The following ADGRB3 variants were observed in gnomAD, a reference collection of about 807,000 sequenced individuals.
ADGRB3 encodes brain-specific angiogenesis inhibitor 3.
ADGRB3 carries 37 observed loss-of-function variants against 193.4 expected under a neutral mutation model. That is an observed-to-expected ratio of 0.19 (90% CI 0.15 to 0.25). The LOEUF (loss-of-function observed/expected upper bound fraction) is 0.25, where lower values mean the gene tolerates loss of function less well. Ranked by LOEUF, ADGRB3 falls within the 10% of genes least tolerant of loss-of-function variation. ADGRB3 has a pLI of 1.00. For synonymous variants in ADGRB3, 690 were observed against 644.2 expected (o/e 1.07, Z -1.08); for missense variants, 1,637 against 1,852.9 (o/e 0.88, Z 2.14).
intron 3 of ADGRB3, among the ~76,000 whole-genome samples, chr6:68,738,455 G>C (rs1048908726): frequency 2.0e-5 from 3 of 152,068 alleles, no homozygotes; most frequent in African/African-American, 7.2e-5. Context: ...ATGAATTAGG[G>C]GGGAAATAAG....
At chr6:69,114,849 C>T (rs1773482296) in intron 17 of ADGRB3, among the ~76,000 whole-genome samples, 1 of 152,156 alleles carries the variant, frequency 6.6e-6, no homozygotes, top group African/African-American at 2.4e-5. Flanking sequence ...AAAAAATGCT[C>T]ATCATCACTG....
intron 10 of ADGRB3, among the ~76,000 whole-genome samples, chr6:68,983,306 G>T (rs1301026621): frequency 2.6e-5 from 4 of 151,658 alleles, no homozygotes; most frequent in African/African-American, 7.3e-5. Flanking sequence ...TATGCCTTTA[G>T]TGTGGCTTGG....
At chr6:68,886,318 T>C (rs914494631) in intron 3 of ADGRB3, among the ~76,000 whole-genome samples, 4 of 152,096 alleles carry the variant, frequency 2.6e-5, no homozygotes, top group Non-Finnish European at 5.9e-5. Flanking sequence ...ATAGTACTCA[T>C]TACTTAGTGA....
intron 17 of ADGRB3, among the ~76,000 whole-genome samples, chr6:69,083,705 C>G (rs1056798814): frequency 6.6e-6 from 1 of 151,650 alleles, no homozygotes; most frequent in Non-Finnish European, 1.5e-5. Context: ...ACTTAGCAAG[C>G]ATCGAAAATG....
chr6:69,057,238 TC>T, intron 15 of ADGRB3, among the ~76,000 whole-genome samples: 1 of 152,290 alleles, frequency 6.6e-6, no homozygotes, highest in East Asian at 1.9e-4. Flanking sequence ...GCGTTAATTT[TC>T]TTGCATTCTG....
intron 3 of ADGRB3, among the ~76,000 whole-genome samples, chr6:68,891,299 G>A (rs1040991689): frequency 6.6e-6 from 1 of 151,944 alleles, no homozygotes; most frequent in Admixed American, 6.6e-5. Context: ...GTTTGGGTGG[G>A]GACACAGAGC....
At chr6:68,814,056 CT>C (rs1406217027) in intron 3 of ADGRB3, among the ~76,000 whole-genome samples, 1 of 152,138 alleles carries the variant, frequency 6.6e-6, no homozygotes, top group African/African-American at 2.4e-5. Flanking sequence ...ATTTATAATC[CT>C]TTGGGTATAT....
chr6:69,070,297 G>C (rs1562146089), intron 16 of ADGRB3, among the ~76,000 whole-genome samples: 1 of 152,094 alleles, frequency 6.6e-6, no homozygotes, highest in Non-Finnish European at 1.5e-5. Flanking sequence ...ATAAAAAATA[G>C]AGTAACCACT....
intron 17 of ADGRB3, among the ~76,000 whole-genome samples, chr6:69,134,842 A>C (rs1017246496): frequency 6.6e-6 from 1 of 152,052 alleles, no homozygotes; most frequent in Non-Finnish European, 1.5e-5. Flanking sequence ...TGGAAATATA[A>C]GCTAGATGGC....
intron 3 of ADGRB3, among the ~76,000 whole-genome samples, chr6:68,661,299 A>C (rs1768624451): frequency 7.4e-6 from 1 of 135,352 alleles, no homozygotes; most frequent in Non-Finnish European, 1.5e-5. Flanking sequence ...CAAAATATAT[A>C]TATATATGTG....
rs781194186 is a variant in ADGRB3, at chr6:68,993,940, T to A, written c.1907T>A (p.Ile636Asn). The A allele has an allele frequency of 1.2e-6, 2 of 1,613,542 alleles. No individual in the cohort carries two copies. The highest frequency in any genetic ancestry group is 3.3e-5 in the Admixed American group (2 of 59,970). Reference protein sequence around the residue: ...VTDTFKRASYIPASDGVQNFF... With the variant: ...VTDTFKRASYNPASDGVQNFF... ...GACACATTTAAAAGGGCAAGTTACA[T>A]CCCTGCATCTGATGGTGTCCAGGTA... Residue 636 changes from isoleucine to asparagine, a missense_variant, in exon 11 of 32, where the codon ATC becomes AAC. By Grantham distance (149) the Ile-to-Asn change is moderately radical. Around this residue, in one of 7 missense-constraint regions of ADGRB3, gnomAD observed 641 missense variants for 673.9 expected, o/e 0.95. Coordinates refer to ENST00000370598, the MANE Select transcript of ADGRB3 (RefSeq NM_001704.3).
In ADGRB3 at chr6:69,335,695, C is replaced by A. The variant is rs373091072; in HGVS notation, c.3188+2687C>A. 2.6e-4 allele frequency among the ~76,000 whole-genome samples: 39 copies of A among 152,120 alleles called. No homozygotes were observed. In the East Asian group the frequency reaches 3.7e-3, roughly 14 times the overall value. ...GTGAAGAAGAAATAATCAAAATTAA[C>A]TAAAGAAACATTAAGCAGGAAACTA... is the stretch of plus-strand genomic sequence containing the variant. On this transcript the variant is annotated intron_variant, in intron 24 of 31. Transcript: ENST00000370598.
intron 3 of ADGRB3, among the ~76,000 whole-genome samples, chr6:68,653,146 C>T (rs1768409234): frequency 6.6e-6 from 1 of 151,978 alleles, no homozygotes; most frequent in Non-Finnish European, 1.5e-5. Flanking sequence ...GATACCTGTA[C>T]CTAAAGAGAA....
intron 17 of ADGRB3, among the ~76,000 whole-genome samples, chr6:69,195,355 C>A (rs189773557): frequency 5.9e-5 from 9 of 151,650 alleles, no homozygotes; most frequent in African/African-American, 2.2e-4. Context: ...CATAGTGGAC[C>A]CTATTTCTAC....
chr6:69,173,470 T>A (rs975989773), intron 17 of ADGRB3, among the ~76,000 whole-genome samples: 1 of 152,204 alleles, frequency 6.6e-6, no homozygotes, highest in Non-Finnish European at 1.5e-5. Flanking sequence ...TTTTTGTGGA[T>A]CACTTAGTGG....
chr6:69,354,942 C>CT (rs1358037446), intron 27 of ADGRB3, among the ~76,000 whole-genome samples: 1 of 152,118 alleles, frequency 6.6e-6, no homozygotes, highest in African/African-American at 2.4e-5. Context: ...GATTTAAACT[C>CT]TGTCATTTAA....
intron 3 of ADGRB3, among the ~76,000 whole-genome samples, chr6:68,889,458 C>T (rs1766008874): frequency 6.6e-6 from 1 of 151,790 alleles, no homozygotes; most frequent in African/African-American, 2.4e-5. Context: ...TCATTTGTTG[C>T]TCCAGTCTGA....
At chr6:68,841,939 A>G (rs1309788727) in intron 3 of ADGRB3, among the ~76,000 whole-genome samples, 1 of 151,982 alleles carries the variant, frequency 6.6e-6, no homozygotes, top group East Asian at 1.9e-4. Flanking sequence ...AAAACAAATG[A>G]CACCTAGTAT....
At chr6:68,642,269 A>G (rs904932671) in intron 3 of ADGRB3, among the ~76,000 whole-genome samples, 7 of 152,088 alleles carry the variant, frequency 4.6e-5, no homozygotes, top group Non-Finnish European at 7.4e-5. Context: ...GTGATTCCAG[A>G]TTGTTTTGTG....
Sources: allele counts gnomAD v4.1 joint callset (sites outside exome capture counted in the v4.1 genomes callset), GRCh38; gene constraint gnomAD v4.1.1; regional missense constraint gnomAD v4.1.1; transcripts MANE v1.5; gene names NCBI Gene and HGNC (gene_info 2026-07-23, HGNC 2026-07-21).